The following FSD1 variants were observed in gnomAD, a reference collection of about 807,000 sequenced individuals.
FSD1 encodes fibronectin type III and SPRY domain-containing protein 1.
A neutral mutation model predicts 58.2 loss-of-function variants in FSD1; 23 were observed. That is an observed-to-expected ratio of 0.40 (90% confidence interval 0.28 to 0.56). FSD1 has a LOEUF of 0.56. FSD1 is among the 20% of genes least tolerant of loss of function. FSD1 has a pLI of 0.54. For missense variants in FSD1, 563 were observed against 670.8 expected, an observed-to-expected ratio of 0.84 and a Z score of 1.78; for synonymous variants, 265 against 263.4, an observed-to-expected ratio of 1.01 and a Z score of -0.06.
intron 3 of FSD1, 79 bp from the exon 4 acceptor site, chr19:4,307,803 C>A: frequency 9.8e-7 from 1 of 1,020,676 alleles, no homozygotes; most frequent in Non-Finnish European, 1.5e-6. Context: ...ACCCTGGATT[C>A]TGAATGGGGT....
intron 4 of FSD1, 26 bp downstream of exon 4, chr19:4,308,009 A>G: frequency 1.3e-6 from 2 of 1,557,868 alleles, no homozygotes; most frequent in Non-Finnish European, 1.8e-6. Context: ...GCTGCCAGGT[A>G]AAGAACAGTG....
At chr19:4,312,902 C>T (rs1971710601) in intron 7 of FSD1, among the ~76,000 whole-genome samples, 1 of 151,926 alleles carries the variant, frequency 6.6e-6, no homozygotes, top group Non-Finnish European at 1.5e-5. Context: ...TGGTCTCCAA[C>T]CCCTGGCCTC....
chr19:4,308,801 T>C (rs926925432), intron 4 of FSD1, among the ~76,000 whole-genome samples: 2 of 151,098 alleles, frequency 1.3e-5, no homozygotes, highest in African/African-American at 4.9e-5. Flanking sequence ...GAGCTTGCAG[T>C]GAGCCAAGAT....
intron 7 of FSD1, among the ~76,000 whole-genome samples, chr19:4,315,721 C>T (rs1256722007): frequency 2.0e-5 from 3 of 150,278 alleles, no homozygotes; most frequent in African/African-American, 7.4e-5. Flanking sequence ...AAGCAATTCT[C>T]CTGCCCCAGC....
intron 7 of FSD1, among the ~76,000 whole-genome samples, chr19:4,315,301 A>ATTTTTT (rs1219053251): frequency 1.1e-4 from 9 of 79,564 alleles, no homozygotes; most frequent in Non-Finnish European, 2.1e-4. Flanking sequence ...CGCCTGGTTA[A>ATTTTTT]TTTTTTTTTT....
Position 4,311,857 on chromosome 19 carries a change from T to A in FSD1, c.506T>A (p.Val169Glu). Reference sequence around the variant, plus strand: ...TCTTGGTCAGTGCCCAGCGCACCCGTGATCGACCTGGCTGAGTCCCTGGTG... The same window carrying A: ...TCTTGGTCAGTGCCCAGCGCACCCGAGATCGACCTGGCTGAGTCCCTGGTG... Reference protein sequence around the residue: ...LKFLPVPSAPVIDLAESLVAD... With the variant: ...LKFLPVPSAPEIDLAESLVAD... The change falls in exon 7 of 13, where the codon GTG (valine) becomes GAG (glutamate). Residue 169 changes from valine to glutamate, a missense_variant. Transcript: ENST00000221856. 6.2e-7 allele frequency: 1 copy of A among 1,614,152 alleles called. No homozygotes were observed. Among genetic ancestry groups the A allele is most frequent in the Non-Finnish European group, 8.5e-7 (1 of 1,180,020 alleles).
intron 4 of FSD1, among the ~76,000 whole-genome samples, chr19:4,308,661 T>G (rs367558759): frequency 1.8e-3 from 278 of 152,016 alleles, no homozygotes; most frequent in African/African-American, 5.9e-3. Flanking sequence ...ATCAAGACCA[T>G]CCTAACACAG....
rs1971780205 is a variant in FSD1, at chr19:4,318,510, C to A, written c.959+5C>A. The A allele has an allele frequency of 6.3e-7, 1 of 1,589,106 alleles. No individual in the cohort carries two copies. ...TCCCATCAACTCCCCAGCCAGGTAG[C>A]CTGCCCCCTCCCCTCCCTAAGTCTC... On this transcript the variant is annotated splice_donor_5th_base_variant and intron_variant, in intron 9 of 12. Coordinates refer to ENST00000221856, the MANE Select transcript of FSD1 (RefSeq NM_024333.3).
chr19:4,310,867 C>T lies in FSD1; in HGVS notation c.490+271C>T, dbSNP rs1971682249. On this transcript the variant is annotated intron_variant, in intron 6 of 12. Transcript: ENST00000221856. Reference sequence around the variant, plus strand: ...GGGTGGAACTGTGAGAATACCATGTCCTGTGGGGTTGGTTGAGTCCTCATG... The same window carrying T: ...GGGTGGAACTGTGAGAATACCATGTTCTGTGGGGTTGGTTGAGTCCTCATG... 1.6e-5 allele frequency: 6 copies of T among 370,148 alleles called. No homozygotes were observed. In the South Asian group the frequency reaches 1.8e-4, roughly 11 times the overall value. 22.9% of individuals were successfully genotyped at this position (370,148 alleles called of 1,614,324 possible).
intron 5 of FSD1, 59 bp downstream of exon 5, chr19:4,310,354 GC>G: frequency 6.2e-7 from 1 of 1,611,232 alleles, no homozygotes. Flanking sequence ...GAAGACAGGG[GC>G]CACCTGGTGA....
At chr19:4,304,984 C>T (rs1172434235) in intron 1 of FSD1, among the ~76,000 whole-genome samples, 2 of 128,372 alleles carry the variant, frequency 1.6e-5, no homozygotes, top group East Asian at 2.9e-4. Flanking sequence ...GCCTTCTACG[C>T]CCCCCCACCC....
At chr19:4,319,105 G>A (rs1971787410) in intron 10 of FSD1, among the ~76,000 whole-genome samples, 154 bp downstream of exon 10, 1 of 152,254 alleles carries the variant, frequency 6.6e-6, no homozygotes, top group African/African-American at 2.4e-5. Flanking sequence ...TGCCCAAATG[G>A]AAATATTTCG....
At chr19:4,316,818 A>T (rs1399331268) in intron 7 of FSD1, among the ~76,000 whole-genome samples, 1 of 151,104 alleles carries the variant, frequency 6.6e-6, no homozygotes, top group Non-Finnish European at 1.5e-5. Context: ...TGGCATGATC[A>T]TGGCTCACTG....
intron 10 of FSD1, among the ~76,000 whole-genome samples, chr19:4,320,708 A>G (rs572262174): frequency 1.3e-5 from 2 of 151,788 alleles, no homozygotes; most frequent in South Asian, 2.1e-4. Context: ...ATCTGGAGGG[A>G]ATAGCTGCAG....
At chr19:4,306,129 T>C in intron 2 of FSD1, 69 bp from the exon 3 acceptor site, 1 of 1,611,208 alleles carries the variant, frequency 6.2e-7, no homozygotes, top group Non-Finnish European at 8.5e-7. Flanking sequence ...TTGCTGTTGA[T>C]GCCTGTGGGA....
intron 8 of FSD1, 57 bp downstream of exon 8, chr19:4,317,337 C>A: frequency 9.8e-7 from 1 of 1,023,506 alleles, no homozygotes; most frequent in Non-Finnish European, 1.5e-6. Context: ...CCTCCCACAG[C>A]CCCCAGAGAC....
intron 7 of FSD1, among the ~76,000 whole-genome samples, chr19:4,312,362 G>A (rs1338153736): frequency 6.6e-6 from 1 of 151,928 alleles, no homozygotes; most frequent in Non-Finnish European, 1.5e-5. Flanking sequence ...ATGGTATCGG[G>A]CACCTGTAAT....
chr19:4,312,898 C>G (rs1275218405), intron 7 of FSD1, among the ~76,000 whole-genome samples: 1 of 151,870 alleles, frequency 6.6e-6, no homozygotes, highest in Non-Finnish European at 1.5e-5. Context: ...AGGCTGGTCT[C>G]CAACCCCTGG....
At chr19:4,308,932 G>A (rs1048276543) in intron 4 of FSD1, among the ~76,000 whole-genome samples, 7 of 151,980 alleles carry the variant, frequency 4.6e-5, no homozygotes, top group Non-Finnish European at 1.0e-4. Context: ...AAAGTTAGCC[G>A]GGCATGGTGG....
Sources: gnomAD v4.1 joint callset for allele counts (sites outside exome capture counted in the v4.1 genomes callset) on GRCh38, gnomAD v4.1.1 for gene constraint, MANE v1.5 for transcripts, NCBI Gene and HGNC (gene_info 2026-07-23, HGNC 2026-07-21) for gene names.